KCNIP4: variants seen among roughly 807,000 people sequenced by gnomAD.
The protein encoded by KCNIP4 is Kv channel-interacting protein 4.
Under a neutral mutation model 34.0 loss-of-function variants are expected in KCNIP4, and 12 were observed. The observed-to-expected ratio is 0.35, with a 90% CI of 0.23 to 0.57. The LOEUF (loss-of-function observed/expected upper bound fraction) is 0.57, where lower values mean the gene tolerates loss of function less well. Ranked by LOEUF, KCNIP4 falls within the 20% of genes least tolerant of loss-of-function variation. The pLI is 0.83. For synonymous variants in KCNIP4, 124 were observed against 102.2 expected (o/e 1.21, Z -1.29); for missense variants, 238 against 311.7 (o/e 0.76, Z 1.78).
intron 3 of KCNIP4, among the ~76,000 whole-genome samples, chr4:20,790,358 G>A (rs1194069087): frequency 6.6e-6 from 1 of 152,050 alleles, no homozygotes; most frequent in Non-Finnish European, 1.5e-5. Context: ...TTTATAAGTA[G>A]GCTACCCTAA....
At chr4:21,103,853 C>A (rs1342261584) in intron 1 of KCNIP4, among the ~76,000 whole-genome samples, 1 of 150,092 alleles carries the variant, frequency 6.7e-6, no homozygotes, top group African/African-American at 2.5e-5. Flanking sequence ...TTTGTCCTTG[C>A]GATAGTTTAC....
At chr4:21,499,668 A>G (rs1462414838) in intron 1 of KCNIP4, among the ~76,000 whole-genome samples, 1 of 152,138 alleles carries the variant, frequency 6.6e-6, no homozygotes, top group Non-Finnish European at 1.5e-5. Context: ...GAAGTCTTAT[A>G]TATTTTAGTA....
In KCNIP4 at chr4:21,183,468, T is replaced by C. The variant is rs577756390; in HGVS notation, c.62-300759A>G. Among the ~76,000 whole-genome samples the C allele has an allele frequency of 2.7e-3, 375 of 140,740 alleles. 3 individuals carry two copies. The highest frequency in any genetic ancestry group is 2.4e-3 in the South Asian group (10 of 4,208). 92.3% of individuals were successfully genotyped at this position (140,740 alleles called of 152,430 possible). On this transcript the variant is annotated intron_variant, in intron 1 of 8. Transcript: ENST00000382152. ...TTTTCTGTAATGGCTGTGTTGTTTT[T>C]GTTTTTTTTTTTTTTGGTTTTTGGA...
intron 1 of KCNIP4, among the ~76,000 whole-genome samples, chr4:21,166,319 A>G (rs1753622995): frequency 6.6e-6 from 1 of 152,182 alleles, no homozygotes; most frequent in Non-Finnish European, 1.5e-5. Context: ...AAGATACTCC[A>G]TATATTAGTC....
chr4:21,021,029 G>A lies in KCNIP4; in HGVS notation c.62-138320C>T, dbSNP rs572891575. ...TGTTGTTGTGTGAAGATCACGGAGT[G>A]TACTTCCGCAAACCTAGAAGGCATA... On this transcript the variant is annotated intron_variant, in intron 1 of 8. Coordinates refer to ENST00000382152, the MANE Select transcript of KCNIP4 (RefSeq NM_025221.6). Among the ~76,000 whole-genome samples, 4 of 152,176 alleles carry A rather than the reference G, an allele frequency of 2.6e-5. No homozygotes were observed. The East Asian group carries it at 7.7e-4, about 29-fold the overall frequency.
At chr4:21,407,366 C>A (rs966718633) in intron 1 of KCNIP4, among the ~76,000 whole-genome samples, 2 of 152,076 alleles carry the variant, frequency 1.3e-5, no homozygotes, top group Admixed American at 1.3e-4. Flanking sequence ...TCATTTTACT[C>A]ATAATTGCTG....
At chr4:21,388,923 G>A (rs1722282465) in intron 1 of KCNIP4, among the ~76,000 whole-genome samples, 1 of 151,180 alleles carries the variant, frequency 6.6e-6, no homozygotes, top group Non-Finnish European at 1.5e-5. Flanking sequence ...CATCTTTTGA[G>A]TATTATAAAT....
chr4:21,511,342 T>C (rs1399218917), intron 1 of KCNIP4, among the ~76,000 whole-genome samples: 2 of 36,728 alleles, frequency 5.4e-5, no homozygotes, highest in East Asian at 0.029. Context: ...GTATGCTCTT[T>C]AAAGCAATTT....
intron 1 of KCNIP4, among the ~76,000 whole-genome samples, chr4:21,720,113 T>C (rs1212581276): frequency 6.6e-6 from 1 of 151,906 alleles, no homozygotes; most frequent in Non-Finnish European, 1.5e-5. Context: ...CTTTTCTATA[T>C]CTGCTAGCAT....
rs147878796 is a variant in KCNIP4, at chr4:20,915,611, T to C, written c.62-32902A>G. On this transcript the variant is annotated intron_variant, in intron 1 of 8. Transcript: ENST00000382152. ...CCACTCTAGGACATACTGAATTTTC[T>C]TCTTTCTTCAATCAAGGGTTTGATG... Among the ~76,000 whole-genome samples, 228 of 152,318 alleles carry C rather than the reference T, an allele frequency of 1.5e-3. 3 individuals carry two copies. In the East Asian group the frequency reaches 0.035, roughly 23 times the overall value.
intron 1 of KCNIP4, among the ~76,000 whole-genome samples, chr4:21,038,326 T>C (rs751981591): frequency 7.2e-5 from 11 of 152,232 alleles, no homozygotes; most frequent in Non-Finnish European, 1.5e-4. Flanking sequence ...AGATTATCAC[T>C]AAATTTAACC....
chr4:21,327,749 GT>G (rs1715235395), intron 1 of KCNIP4, among the ~76,000 whole-genome samples: 1 of 151,672 alleles, frequency 6.6e-6, no homozygotes, highest in Non-Finnish European at 1.5e-5. Context: ...TCTTTCTGAT[GT>G]TTTTGTCCTA....
At chr4:20,798,249 T>A (rs1282300597) in intron 3 of KCNIP4, among the ~76,000 whole-genome samples, 1 of 152,210 alleles carries the variant, frequency 6.6e-6, no homozygotes, top group Non-Finnish European at 1.5e-5. Flanking sequence ...CATTATCAAA[T>A]ACACATACTG....
intron 1 of KCNIP4, among the ~76,000 whole-genome samples, chr4:21,077,843 T>C (rs755639811): frequency 6.6e-6 from 1 of 152,104 alleles, no homozygotes; most frequent in Non-Finnish European, 1.5e-5. Flanking sequence ...GGGCATACAT[T>C]ATTGTTCAAA....
At chr4:21,223,223 A>C (rs2109004011) in intron 1 of KCNIP4, among the ~76,000 whole-genome samples, 1 of 152,298 alleles carries the variant, frequency 6.6e-6, no homozygotes, top group East Asian at 1.9e-4. Context: ...GAGAGAGAGC[A>C]AGATACTGGA....
Position 21,306,237 on chromosome 4 carries a change from G to A in KCNIP4, c.62-423528C>T, listed in dbSNP as rs576121497. On this transcript the variant is annotated intron_variant, in intron 1 of 8. Transcript: ENST00000382152. The stretch of plus-strand genomic sequence containing the variant: ...GGAACCAAGCTTCAAATTCTGATGT[G>A]TTTAATGCAAAACCCATTACTTCAT... Among the ~76,000 whole-genome samples the A allele has an allele frequency of 3.9e-5, 6 of 152,324 alleles. No homozygotes were observed. In the East Asian group the frequency reaches 9.7e-4, roughly 25 times the overall value.
chr4:21,108,207 G>A (rs1748769249), intron 1 of KCNIP4, among the ~76,000 whole-genome samples: 1 of 150,220 alleles, frequency 6.7e-6, no homozygotes, highest in Non-Finnish European at 1.5e-5. Flanking sequence ...TTCCAACTTG[G>A]TTCCATTCTC....
rs892861597 is a variant in KCNIP4 at position 21,154,935 on chromosome 4, G to A, written c.62-272226C>T. Among the ~76,000 whole-genome samples, 6 of 152,154 alleles carry A rather than the reference G, an allele frequency of 3.9e-5. No homozygotes were observed. The South Asian group carries it at 8.3e-4, about 21-fold the overall frequency. Reference sequence around the variant, plus strand: ...AGGGGTTTCCAAACTTTCTGTAACCGACAAAATAAATATTTTAGGCTTTAT... The same window carrying A: ...AGGGGTTTCCAAACTTTCTGTAACCAACAAAATAAATATTTTAGGCTTTAT... On this transcript the variant is annotated intron_variant, in intron 1 of 8. Transcript: ENST00000382152.
At chr4:21,796,036 T>G (rs1478541145) in intron 1 of KCNIP4, among the ~76,000 whole-genome samples, 1 of 152,174 alleles carries the variant, frequency 6.6e-6, no homozygotes, top group Non-Finnish European at 1.5e-5. Context: ...GCCACTGCAC[T>G]TCAGTCTGGA....
Sources: allele counts gnomAD v4.1 joint callset (sites outside exome capture counted in the v4.1 genomes callset), GRCh38; gene constraint gnomAD v4.1.1; transcripts MANE v1.5; gene names NCBI Gene and HGNC (gene_info 2026-07-23, HGNC 2026-07-21).